ASTN2: variants seen among roughly 807,000 people sequenced by gnomAD.
ASTN2 encodes the protein astrotactin-2.
In ASTN2, 54 loss-of-function variants were observed where a neutral mutation model predicts 139.8. The observed-to-expected ratio is 0.39, with a 90% CI of 0.31 to 0.48. The LOEUF (loss-of-function observed/expected upper bound fraction) is 0.48, where lower values mean the gene tolerates loss of function less well. Among genes scored for constraint, ASTN2 ranks in the 20% least tolerant of loss-of-function variants. The probability of loss-of-function intolerance (pLI) is 0.95; values close to 1 mark genes in which losing one functional copy is unlikely to be tolerated. For missense variants in ASTN2, 1,565 were observed against 1,725.1 expected (o/e 0.91, Z 1.64); for synonymous variants, 756 against 719.5 (o/e 1.05, Z -0.81).
intron 10 of ASTN2, among the ~76,000 whole-genome samples, chr9:116,907,093 A>T (rs10983402): frequency 0.22 from 33,208 of 152,084 alleles, 3,892 homozygotes; most frequent in East Asian, 0.25. Context: ...GATTCCCTTT[A>T]TGTAGATGAT....
chr9:117,163,009 C>G (rs1047174096), intron 3 of ASTN2, among the ~76,000 whole-genome samples: 1 of 152,058 alleles, frequency 6.6e-6, no homozygotes, highest in African/African-American at 2.4e-5. Context: ...CTACCGGGAT[C>G]ACTGAAGTTG....
intron 4 of ASTN2, among the ~76,000 whole-genome samples, chr9:117,111,350 A>G (rs1829243592): frequency 6.6e-6 from 1 of 152,218 alleles, no homozygotes; most frequent in African/African-American, 2.4e-5. Flanking sequence ...TTAATGACTA[A>G]AAATGTGAGG....
intron 20 of ASTN2, among the ~76,000 whole-genome samples, chr9:116,466,580 C>T (rs1848652899): frequency 6.6e-6 from 1 of 152,174 alleles, no homozygotes; most frequent in Non-Finnish European, 1.5e-5. Context: ...CTTCCTCAGA[C>T]AGAACATCCA....
At chr9:117,031,146 T>G (rs1838236383) in intron 6 of ASTN2, among the ~76,000 whole-genome samples, 1 of 152,122 alleles carries the variant, frequency 6.6e-6, no homozygotes, top group Admixed American at 6.5e-5. Flanking sequence ...GGTGTGTGAA[T>G]TTGATTGGAG....
intron 10 of ASTN2, among the ~76,000 whole-genome samples, chr9:116,864,409 G>T (rs544046390): frequency 6.6e-6 from 1 of 152,268 alleles, no homozygotes; most frequent in East Asian, 1.9e-4. Context: ...GAAAGGTCAT[G>T]GGATTCCAGG....
At chr9:117,137,010 C>G in intron 4 of ASTN2, among the ~76,000 whole-genome samples, 1 of 147,052 alleles carries the variant, frequency 6.8e-6, no homozygotes, top group South Asian at 2.2e-4. Flanking sequence ...ACTAAATAAA[C>G]CTATGGAATT....
chr9:116,473,449 T>C (rs1848880149), intron 20 of ASTN2, among the ~76,000 whole-genome samples: 2 of 152,162 alleles, frequency 1.3e-5, no homozygotes, highest in African/African-American at 4.8e-5. Flanking sequence ...TTACGTCAGA[T>C]GATGGGGGAA....
intron 1 of ASTN2, among the ~76,000 whole-genome samples, chr9:117,347,181 T>C (rs1237559370): frequency 6.6e-6 from 1 of 152,032 alleles, no homozygotes; most frequent in African/African-American, 2.4e-5. Flanking sequence ...GCAGTGTTTC[T>C]CCAAAATCAT....
intron 2 of ASTN2, among the ~76,000 whole-genome samples, chr9:117,256,583 C>A (rs1228021872): frequency 2.6e-5 from 4 of 152,094 alleles, no homozygotes; most frequent in Admixed American, 2.6e-4. Flanking sequence ...AGCCCATGTT[C>A]ATTTCACCAT....
chr9:117,397,359 T>G (rs1444878395), intron 1 of ASTN2, among the ~76,000 whole-genome samples: 1 of 152,226 alleles, frequency 6.6e-6, no homozygotes, highest in Non-Finnish European at 1.5e-5. Flanking sequence ...TTGATTATAC[T>G]ATTTAAAAAA....
Position 117,246,598 on chromosome 9 carries a change from C to T in ASTN2, c.631-31856G>A, listed in dbSNP as rs190569138. ...TCAATAACTTCCTGCTGGCATCTCT[C>T]CCAAAAAGACAGTGGAACTCGGATT... is the stretch of plus-strand genomic sequence containing the variant. On this transcript the variant is annotated intron_variant, in intron 2 of 22. Transcript: ENST00000313400. Among the ~76,000 whole-genome samples the T allele has an allele frequency of 1.2e-3, 180 of 152,278 alleles. 2 individuals are homozygous for T. Among genetic ancestry groups the T allele is most frequent in the African/African-American group, 4.1e-3 (170 of 41,546 alleles).
rs111603841 is a variant in ASTN2, at chr9:116,791,277, C to T, written c.2396+14355G>A. Among the ~76,000 whole-genome samples the T allele has an allele frequency of 1.9e-3, 291 of 152,342 alleles. 6 individuals are homozygous for T. Among genetic ancestry groups the T allele is most frequent in the African/African-American group, 6.5e-3 (272 of 41,576 alleles). On this transcript the variant is annotated intron_variant, in intron 13 of 22. Coordinates refer to ENST00000313400, the MANE Select transcript of ASTN2 (RefSeq NM_001365068.1). The stretch of plus-strand genomic sequence containing the variant: ...CTTCTGACCTCAAGTTCATTTCTGT[C>T]ATCATCTTATTCCCTCTTATAATTA...
intron 19 of ASTN2, among the ~76,000 whole-genome samples, chr9:116,590,307 G>A (rs947385004): frequency 6.6e-6 from 1 of 152,196 alleles, no homozygotes; most frequent in East Asian, 1.9e-4. Flanking sequence ...GCCTCTCCCC[G>A]CTTCAAGCAG....
intron 19 of ASTN2, among the ~76,000 whole-genome samples, chr9:116,523,755 GA>G (rs1314016437): frequency 2.0e-5 from 3 of 152,120 alleles, no homozygotes; most frequent in African/African-American, 4.8e-5. Context: ...TCCAGCCTTT[GA>G]GACCAGCTTC....
chr9:117,338,039 C>T (rs578071840), intron 1 of ASTN2, among the ~76,000 whole-genome samples: 41 of 152,200 alleles, frequency 2.7e-4, no homozygotes, highest in African/African-American at 8.2e-4. Flanking sequence ...AATAAGGAAT[C>T]GATGATTATC....
chr9:117,119,613 A>G (rs1362575818), intron 4 of ASTN2, among the ~76,000 whole-genome samples: 1 of 152,178 alleles, frequency 6.6e-6, no homozygotes, highest in East Asian at 1.9e-4. Context: ...TTTGAGTCCA[A>G]CTTCTTCCTT....
intron 2 of ASTN2, among the ~76,000 whole-genome samples, chr9:117,238,027 G>C (rs1489107381): frequency 6.6e-6 from 1 of 152,168 alleles, no homozygotes; most frequent in Admixed American, 6.5e-5. Flanking sequence ...CTGAGGGAAG[G>C]TGACACAAGT....
chr9:116,933,348 T>A lies in ASTN2; in HGVS notation c.1889+41860A>T, dbSNP rs1288501128. Among the ~76,000 whole-genome samples the A allele has an allele frequency of 2.0e-5, 3 of 152,152 alleles. No homozygotes were observed. The East Asian group carries it at 5.8e-4, about 29-fold the overall frequency. On this transcript the variant is annotated intron_variant, in intron 10 of 22. Coordinates refer to ENST00000313400, the MANE Select transcript of ASTN2 (RefSeq NM_001365068.1). ...TTTCTCTGAGAACTCTGGATGCTGA[T>A]GTTTTTTGTTTTCTTGTCTTCCCTC...
At chr9:116,605,391 A>C (rs988791733) in intron 19 of ASTN2, among the ~76,000 whole-genome samples, 2 of 152,180 alleles carry the variant, frequency 1.3e-5, no homozygotes, top group African/African-American at 4.8e-5. Flanking sequence ...GAAGCTGAGA[A>C]TCCCATGAAG....
Sources: allele counts gnomAD v4.1 joint callset (sites outside exome capture counted in the v4.1 genomes callset), GRCh38; gene constraint gnomAD v4.1.1; transcripts MANE v1.5; gene names NCBI Gene and HGNC (gene_info 2026-07-23, HGNC 2026-07-21).